The following DNAH5 variants were observed in gnomAD, a reference collection of about 807,000 sequenced individuals.
DNAH5 encodes the protein axonemal beta dynein heavy chain 5.
DNAH5 carries 372 observed loss-of-function variants against 518.2 expected under a neutral mutation model. That is an observed-to-expected ratio of 0.72 (90% CI 0.66 to 0.78). The LOEUF (loss-of-function observed/expected upper bound fraction) is 0.78, where lower values mean the gene tolerates loss of function less well. Ranked by LOEUF, DNAH5 falls within the 30% of genes least tolerant of loss-of-function variation. The pLI, the probability that DNAH5 is intolerant of heterozygous loss-of-function variation, is 0.00. For synonymous variants in DNAH5, 2,039 were observed against 2,025.9 expected (o/e 1.01, Z -0.17); for missense variants, 5,523 against 5,687.0 (o/e 0.97, Z 0.93).
At position 13,820,348 on chromosome 5, in the gene DNAH5, G is replaced by A. The variant is rs763904116; in HGVS notation, c.6839C>T (p.Thr2280Ile). ...TCIHTLMRAM[T>I]DCGKPHREMR... ...CATTGACCTTGGCTGCCCTGTACCT[G>A]TCATGGCTCTCATCAAGGTGTGGAT... Residue 2280 changes from threonine to isoleucine, a missense_variant and splice_region_variant, in exon 41 of 79, where the codon ACA (threonine) becomes ATA (isoleucine). Thr to Ile is a moderately conservative substitution (Grantham distance 89). Transcript: ENST00000265104. 12 of 1,609,428 alleles carry A rather than the reference G, an allele frequency of 7.5e-6. No individual in the cohort carries two copies. The highest frequency in any genetic ancestry group is 4.4e-5 in the South Asian group (4 of 91,062).
chr5:13,787,353 G>A (rs1379978546), intron 51 of DNAH5, among the ~76,000 whole-genome samples: 1 of 152,156 alleles, frequency 6.6e-6, no homozygotes, highest in African/African-American at 2.4e-5. Context: ...CGAGAAGAAT[G>A]AGTGGGTCTT....
intron 70 of DNAH5, among the ~76,000 whole-genome samples, chr5:13,725,690 C>A (rs1745627668): frequency 6.6e-6 from 1 of 152,168 alleles, no homozygotes; most frequent in Non-Finnish European, 1.5e-5. Context: ...GAGTCTCACC[C>A]TGGCACCTAG....
Position 13,814,602 on chromosome 5 carries a change from T to C in DNAH5, c.7230+3A>G. ...ATTATACAAAAGAAGGATTCAATTA[T>C]ACCTCAAGAATAGGACTCCAATCAA... On this transcript the variant is annotated splice_donor_region_variant and intron_variant, in intron 43 of 78. Coordinates refer to ENST00000265104, the MANE Select transcript of DNAH5 (RefSeq NM_001369.3). The C allele has an allele frequency of 6.2e-7, 1 of 1,613,590 alleles. No homozygotes were observed.
intron 49 of DNAH5, among the ~76,000 whole-genome samples, chr5:13,792,759 A>C (rs1253574060): frequency 6.6e-6 from 1 of 152,194 alleles, no homozygotes; most frequent in Non-Finnish European, 1.5e-5. Flanking sequence ...GACTGAAGGG[A>C]GATTACTGCC....
chr5:13,941,219 G>A (rs1580989197), intron 1 of DNAH5, among the ~76,000 whole-genome samples: 2 of 152,186 alleles, frequency 1.3e-5, no homozygotes, highest in African/African-American at 4.8e-5. Flanking sequence ...TTAGCCAGAT[G>A]CGGGGATGCA....
intron 42 of DNAH5, 43 bp downstream of exon 42, chr5:13,817,505 C>G (rs1283877734): frequency 6.3e-7 from 1 of 1,589,542 alleles, no homozygotes; most frequent in East Asian, 2.2e-5. Context: ...AGGATTCTAT[C>G]TAGAAGTATA....
chr5:14,010,461 T>C (rs1479377234), intron 1 of DNAH5, among the ~76,000 whole-genome samples: 1 of 152,196 alleles, frequency 6.6e-6, no homozygotes, highest in East Asian at 1.9e-4. Context: ...TGTAAGATTG[T>C]ATTATATATG....
At position 13,915,953 on chromosome 5, in the gene DNAH5, TG is replaced by T. The variant is rs369567265; in HGVS notation, c.1197+394del. Among the ~76,000 whole-genome samples the T allele has an allele frequency of 2.9e-3, 435 of 152,180 alleles. 1 individual carries two copies. Among genetic ancestry groups the T allele is most frequent in the African/African-American group, 9.8e-3 (408 of 41,540 alleles). ...TCTAATAACACCAAGTAAACAACTG[TG>T]GCATCAAATAAATTTGGAACAGTGG... is the stretch of plus-strand genomic sequence containing the variant. On this transcript the variant is annotated intron_variant, in intron 9 of 78. Coordinates refer to ENST00000265104, the MANE Select transcript of DNAH5 (RefSeq NM_001369.3).
chr5:14,005,488 G>T (rs77370407), intron 1 of DNAH5, among the ~76,000 whole-genome samples: 60 of 152,232 alleles, frequency 3.9e-4, no homozygotes, highest in Non-Finnish European at 7.1e-4. Context: ...ACACTTAACT[G>T]CTGCTGTGCC....
intron 15 of DNAH5, chr5:13,898,992 T>C (rs998492333): frequency 6.1e-6 from 1 of 163,182 alleles, no homozygotes; most frequent in Non-Finnish European, 1.3e-5. Flanking sequence ...AGTGCAGTGG[T>C]GCAATCTCAG....
intron 22 of DNAH5, 133 bp downstream of exon 22, chr5:13,876,551 C>A: frequency 3.9e-6 from 4 of 1,012,888 alleles, no homozygotes; most frequent in Non-Finnish European, 5.8e-6. Context: ...ATTTGCTGAG[C>A]ACATACAAGA....
chr5:13,798,963 A>C (rs1580307138), intron 47 of DNAH5, among the ~76,000 whole-genome samples: 1 of 151,836 alleles, frequency 6.6e-6, no homozygotes, highest in East Asian at 1.9e-4. Flanking sequence ...ATGGGATTTC[A>C]CTATGTTGGC....
rs764924502 is a variant in DNAH5 at position 13,691,093 on chromosome 5, T to C, written c.*891A>G. The C allele has an allele frequency of 2.6e-5, 4 of 152,244 alleles. No individual in the cohort carries two copies. Among genetic ancestry groups the C allele is most frequent in the Non-Finnish European group, 4.4e-5 (3 of 68,034 alleles). The allele number at this position is 152,244 out of a possible 1,614,324, so 9.4% of individuals were successfully genotyped here. ...GGTTGCCAAATATCTCTTAATTTCC[T>C]TAACCATAGCCTGACTATTGAATAT... On this transcript the variant is annotated 3_prime_UTR_variant, in exon 79 of 79. Transcript: ENST00000265104.
chr5:13,906,128 C>T (rs907019166), intron 12 of DNAH5, among the ~76,000 whole-genome samples: 1 of 152,180 alleles, frequency 6.6e-6, no homozygotes, highest in African/African-American at 2.4e-5. Flanking sequence ...ATAGGTGGAG[C>T]ACAGGGGACT....
At position 13,927,802 on chromosome 5, in the gene DNAH5, T is replaced by G. The variant is rs565672372; in HGVS notation, c.277+292A>C. Among the ~76,000 whole-genome samples, 130 of 152,334 alleles carry G rather than the reference T, an allele frequency of 8.5e-4. 2 individuals are homozygous for G. The highest frequency in any genetic ancestry group is 2.8e-3 in the African/African-American group (118 of 41,578). The stretch of plus-strand genomic sequence containing the variant: ...GGAAGTCAAACGTAATCTACTTTAT[T>G]ATCTTCATTGCCAGCACAGCCTGAG... On this transcript the variant is annotated intron_variant, in intron 3 of 78. Coordinates refer to ENST00000265104, the MANE Select transcript of DNAH5 (RefSeq NM_001369.3).
chr5:13,923,492 G>A (rs1208535943), intron 3 of DNAH5, 52 bp from the exon 4 acceptor site: 3 of 1,601,668 alleles, frequency 1.9e-6, no homozygotes, highest in Non-Finnish European at 2.6e-6. Context: ...CAGTCCATGT[G>A]GTTCCCTTTG....
At chr5:13,795,676 G>T (rs1398666406) in intron 47 of DNAH5, among the ~76,000 whole-genome samples, 3 of 152,188 alleles carry the variant, frequency 2.0e-5, no homozygotes, top group Non-Finnish European at 2.9e-5. Context: ...TAGAAAAAGA[G>T]GGAATCCTCC....
chr5:13,760,805 C>T (rs1473465898), intron 60 of DNAH5, among the ~76,000 whole-genome samples: 2 of 152,162 alleles, frequency 1.3e-5, no homozygotes, highest in African/African-American at 2.4e-5. Context: ...GCCAGTGAAG[C>T]CCCTCCAGGA....
At chr5:13,765,578 C>A (rs955617749) in intron 59 of DNAH5, among the ~76,000 whole-genome samples, 2 of 152,048 alleles carry the variant, frequency 1.3e-5, no homozygotes, top group African/African-American at 4.8e-5. Context: ...AAATATTCAT[C>A]AAGTTATACA....
Sources: gnomAD v4.1 joint callset for allele counts (sites outside exome capture counted in the v4.1 genomes callset) on GRCh38, gnomAD v4.1.1 for gene constraint, MANE v1.5 for transcripts, NCBI Gene and HGNC (gene_info 2026-07-23, HGNC 2026-07-21) for gene names.